The following CHAT variants were observed in gnomAD, a reference collection of about 807,000 sequenced individuals.
The protein encoded by CHAT is choline O-acetyltransferase, also known as acetyl CoA:choline O-acetyltransferase.
A neutral mutation model predicts 76.9 loss-of-function variants in CHAT; 61 were observed. That is an observed-to-expected ratio of 0.79 (90% confidence interval 0.65 to 0.98). The LOEUF (loss-of-function observed/expected upper bound fraction) is 0.98. Ranked by LOEUF, CHAT falls within the 50% of genes least tolerant of loss-of-function variation. CHAT has a pLI of 0.00. For synonymous variants in CHAT, 407 were observed against 397.4 expected, an observed-to-expected ratio of 1.02 and a Z score of -0.29; for missense variants, 946 against 986.9, an observed-to-expected ratio of 0.96 and a Z score of 0.56.
upstream of CHAT, among the ~76,000 whole-genome samples, chr10:49,609,434 G>T (rs1373653614): frequency 6.6e-6 from 1 of 151,870 alleles, no homozygotes; most frequent in African/African-American, 2.4e-5. Context: ...TGCGAAGAGT[G>T]CCTGGGAGGA....
chr10:49,628,414 G>GAGA (rs1838999640), intron 7 of CHAT, among the ~76,000 whole-genome samples: 1 of 152,226 alleles, frequency 6.6e-6, no homozygotes, highest in African/African-American at 2.4e-5. Context: ...GACACTGGAT[G>GAGA]AGAAGCAAGA....
chr10:49,664,076 C>T (rs144064982), intron 14 of CHAT, among the ~76,000 whole-genome samples: 1 of 152,286 alleles, frequency 6.6e-6, no homozygotes, highest in Non-Finnish European at 1.5e-5. Flanking sequence ...TTCCCAAGGA[C>T]CAGCTAATAA....
Position 49,615,804 on chromosome 10 carries a change from C to A in CHAT, c.287-698C>A, listed in dbSNP as rs994156211. ...AGGTGGCCCCTAGGGGCCCTGGCTG[C>A]CCAGCCTCCCTGCATACCTCCCTGG... On this transcript the variant is annotated intron_variant, in intron 1 of 14. Transcript: ENST00000337653. 6 of 552,686 alleles carry A rather than the reference C, an allele frequency of 1.1e-5. No individual in the cohort carries two copies. The African/African-American group carries it at 1.1e-4, about 10-fold the overall frequency. The allele number at this position is 552,686 out of a possible 1,614,324, so 34.2% of individuals were successfully genotyped here.
chr10:49,650,005 G>T (rs748844573), intron 10 of CHAT, among the ~76,000 whole-genome samples: 1 of 149,822 alleles, frequency 6.7e-6, no homozygotes, highest in African/African-American at 2.5e-5. Flanking sequence ...ATTTAAATTT[G>T]CTTGAATGTA....
At chr10:49,631,581 G>C (rs139643705) in intron 7 of CHAT, among the ~76,000 whole-genome samples, 1 of 152,346 alleles carries the variant, frequency 6.6e-6, no homozygotes, top group East Asian at 1.9e-4. Flanking sequence ...CAGATGGTGA[G>C]AGCATAGCAG....
At chr10:49,657,194 C>A (rs1049798350) in intron 13 of CHAT, among the ~76,000 whole-genome samples, 1 of 152,148 alleles carries the variant, frequency 6.6e-6, no homozygotes, top group Non-Finnish European at 1.5e-5. Context: ...CAGTGTCTGG[C>A]AAAGCCTGCT....
In CHAT at chr10:49,625,516, C is replaced by A. The variant is rs1022385070; in HGVS notation, c.796C>A (p.Gln266Lys). The change falls in exon 6 of 15, where the codon CAG becomes AAG. Residue 266 changes from glutamine to lysine, a missense_variant. Transcript: ENST00000337653. ...TDCAKGQLSG[Q>K]PLCMKQYYGL... is the part of the protein sequence containing the mutation. ...CTGTGCCAAAGGCCAGCTGTCAGGG[C>A]AGCCCCTTTGCATGAAGCAATACTA... The A allele has an allele frequency of 6.2e-7, 1 of 1,613,230 alleles. No individual in the cohort carries two copies. Among genetic ancestry groups the A allele is most frequent in the Non-Finnish European group, 8.5e-7 (1 of 1,180,036 alleles).
At chr10:49,646,155 C>G (rs138261022) in intron 7 of CHAT, among the ~76,000 whole-genome samples, 442 of 152,358 alleles carry the variant, frequency 2.9e-3, no homozygotes, top group African/African-American at 9.7e-3. Context: ...ATTAAGGGCC[C>G]TTCCACTGAT....
chr10:49,611,851 T>G, upstream of CHAT: 8 of 1,605,406 alleles, frequency 5.0e-6, no homozygotes, highest in Non-Finnish European at 5.9e-6. Flanking sequence ...CGGCGCCAGC[T>G]CGTGCATCGT....
At chr10:49,642,631 C>G (rs1839522647) in intron 7 of CHAT, among the ~76,000 whole-genome samples, 1 of 152,242 alleles carries the variant, frequency 6.6e-6, no homozygotes, top group Non-Finnish European at 1.5e-5. Context: ...GAGCCTGCAT[C>G]AAGGCCTGCT....
intron 1 of CHAT, 29 bp downstream of exon 1, chr10:49,614,504 G>T (rs1263821264): frequency 9.1e-6 from 14 of 1,535,528 alleles, no homozygotes; most frequent in Non-Finnish European, 1.2e-5. Flanking sequence ...CTGGGCTGGC[G>T]GAGCGCGGTG....
rs1427049174 is a variant in CHAT, at chr10:49,619,899, G to A, written c.562G>A (p.Glu188Lys). 6.2e-7 allele frequency: 1 copy of A among 1,612,248 alleles called. No homozygotes were observed. Among genetic ancestry groups the A allele is most frequent in the Non-Finnish European group, 8.5e-7 (1 of 1,179,482 alleles). Reference sequence around the variant, plus strand: ...GCAGCAGAAACTCCTGGAGCGGCAGGAGAAGACAGCCAACTGGGTAAGAGG... The same window carrying A: ...GCAGCAGAAACTCCTGGAGCGGCAGAAGAAGACAGCCAACTGGGTAAGAGG... ...TLQQKLLERQ[E>K]KTANWVSEYW... The change falls in exon 3 of 15, where the codon GAG becomes AAG. Residue 188 changes from glutamate (E) to lysine (K), a missense_variant. Coordinates refer to ENST00000337653, the MANE Select transcript of CHAT (RefSeq NM_020549.5).
Position 49,649,550 on chromosome 10 carries a change from C to T in CHAT, c.1425C>T (p.Ser475=), listed in dbSNP as rs553771451. The change falls in exon 10 of 15, where the codon AGC becomes AGT. Residue 475 remains serine, a synonymous_variant. Coordinates refer to ENST00000337653, the MANE Select transcript of CHAT (RefSeq NM_020549.5). ...SRKLIRADSV[S]ELPAPRRLRW... ...AGCTGATCCGAGCAGACTCCGTCAGCGAGCTCCCCGCCCCCCGGAGGCTGC... is the reference window on the plus strand; with the variant it reads ...AGCTGATCCGAGCAGACTCCGTCAGTGAGCTCCCCGCCCCCCGGAGGCTGC... The T allele has an allele frequency of 9.3e-6, 15 of 1,613,872 alleles. No individual in the cohort carries two copies. The highest frequency in any genetic ancestry group is 4.4e-5 in the South Asian group (4 of 91,080).
At chr10:49,642,229 T>A (rs1405986222) in intron 7 of CHAT, among the ~76,000 whole-genome samples, 1 of 152,232 alleles carries the variant, frequency 6.6e-6, no homozygotes, top group Non-Finnish European at 1.5e-5. Flanking sequence ...CGTTGTCCCA[T>A]GTTTCCATTA....
At chr10:49,648,997 G>A (rs1839778594) in intron 9 of CHAT, among the ~76,000 whole-genome samples, 1 of 152,118 alleles carries the variant, frequency 6.6e-6, no homozygotes, top group Non-Finnish European at 1.5e-5. Context: ...TCCCAAGGCT[G>A]GGTCCCTCCT....
rs11591558 is a variant in CHAT at position 49,666,503 on chromosome 10, C to A, written c.*1457C>A. On this transcript the variant is annotated 3_prime_UTR_variant, in exon 15 of 15. Coordinates refer to ENST00000337653, the MANE Select transcript of CHAT (RefSeq NM_020549.5). ...CCACATCCCTCCAATCCTGCTGCTT[C>A]CTGCTGAGCACTCTGCTCTAGCCCA... Among the ~76,000 whole-genome samples, 36,390 of 152,212 alleles carry A rather than the reference C, an allele frequency of 0.24. 4,622 individuals are homozygous for A. Among genetic ancestry groups the A allele is most frequent in the Middle Eastern group, 0.32 (94 of 294 alleles).
At chr10:49,631,356 C>T (rs942886946) in intron 7 of CHAT, among the ~76,000 whole-genome samples, 26 of 152,198 alleles carry the variant, frequency 1.7e-4, no homozygotes, top group Non-Finnish European at 3.1e-4. Flanking sequence ...TGCCTCTGTG[C>T]GTATCTGCAT....
intron 10 of CHAT, among the ~76,000 whole-genome samples, chr10:49,650,157 T>C (rs1839830507): frequency 6.6e-6 from 1 of 152,184 alleles, no homozygotes; most frequent in South Asian, 2.1e-4. Context: ...ACTGTAGCTG[T>C]TGATTCTCCC....
At chr10:49,624,674 C>T (rs1175821590) in intron 5 of CHAT, among the ~76,000 whole-genome samples, 1 of 152,124 alleles carries the variant, frequency 6.6e-6, no homozygotes, top group Admixed American at 6.5e-5. Context: ...ATACGGAGGA[C>T]GTGCTTCACA....
Sources: allele counts gnomAD v4.1 joint callset (sites outside exome capture counted in the v4.1 genomes callset), GRCh38; gene constraint gnomAD v4.1.1; transcripts MANE v1.5; gene names NCBI Gene and HGNC (gene_info 2026-07-23, HGNC 2026-07-21).